The following KCNK2 variants were observed in gnomAD, a reference collection of about 807,000 sequenced individuals.
The protein encoded by KCNK2 is potassium two pore domain channel subfamily K member 2.
A neutral mutation model predicts 40.5 loss-of-function variants in KCNK2; 21 were observed. The ratio of observed to expected loss-of-function variants is 0.52; its 90% confidence interval spans 0.37 to 0.75. KCNK2 has a LOEUF of 0.75. KCNK2 is among the 30% of genes least tolerant of loss of function. The probability of loss-of-function intolerance (pLI) is 0.00; values close to 1 mark genes in which losing one functional copy is unlikely to be tolerated. For missense variants in KCNK2, 399 were observed against 531.6 expected, an observed-to-expected ratio of 0.75 and a Z score of 2.45; for synonymous variants, 191 against 202.2, an observed-to-expected ratio of 0.94 and a Z score of 0.47.
Position 215,209,475 on chromosome 1 carries a change from ATTAT to A in KCNK2, c.963+14384_963+14387del, listed in dbSNP as rs1665515524. Among the ~76,000 whole-genome samples, 3 of 21,798 alleles carry A rather than the reference ATTAT, an allele frequency of 1.4e-4. 1 individual carries two copies. The highest frequency in any genetic ancestry group is 3.0e-4 in the Non-Finnish European group (2 of 6,744). 14.3% of individuals were successfully genotyped at this position (21,798 alleles called of 152,430 possible). ...ATATTATATATTATATATAATATAT[ATTAT>A]ATATAATACATATATATAATATATA... On this transcript the variant is annotated intron_variant, in intron 6 of 6. Coordinates refer to ENST00000444842, the MANE Select transcript of KCNK2 (RefSeq NM_001017425.3).
At chr1:215,124,873 T>A in intron 3 of KCNK2, 123 bp downstream of exon 3, 1 of 660,922 alleles carries the variant, frequency 1.5e-6, no homozygotes. Flanking sequence ...TAGATTATAG[T>A]AAATTGATTT....
At position 215,082,991 on chromosome 1, in the gene KCNK2, G is replaced by T; in HGVS notation, c.-395G>T. 1 of 156,180 alleles carries T rather than the reference G, an allele frequency of 6.4e-6. No homozygotes were observed. The highest frequency in any genetic ancestry group is 1.8e-4 in the South Asian group (1 of 5,464). 9.7% of individuals were successfully genotyped at this position (156,180 alleles called of 1,614,324 possible). A position where few individuals can be genotyped will look rare whatever the true frequency, so the allele number is the denominator to read the frequency against. Reference sequence around the variant, plus strand: ...CGGGGCCGGGCCAGCGAGCAGCCCGGGGCTGAGCGCGTGGCGGCGGCGGCG... The same window carrying T: ...CGGGGCCGGGCCAGCGAGCAGCCCGTGGCTGAGCGCGTGGCGGCGGCGGCG... On this transcript the variant is annotated 5_prime_UTR_variant, in exon 1 of 7. Transcript: ENST00000444842.
intron 1 of KCNK2, among the ~76,000 whole-genome samples, chr1:215,023,346 C>T (rs1331746049): frequency 6.6e-6 from 1 of 152,182 alleles, no homozygotes; most frequent in Non-Finnish European, 1.5e-5. Flanking sequence ...ACAGAGAACC[C>T]TGCCATATAA....
Position 215,100,630 on chromosome 1 carries a change from G to A in KCNK2, c.357+13952G>A, listed in dbSNP as rs74494169. On this transcript the variant is annotated intron_variant, in intron 2 of 6. Transcript: ENST00000444842. ...AAGAAATTTAAACATTGCTGGTTGC[G>A]GTTCTGATGTTCCTATTGTACTAGG... 6.4e-3 allele frequency among the ~76,000 whole-genome samples: 965 copies of A among 151,968 alleles called. 13 individuals are homozygous for A. Among genetic ancestry groups the A allele is most frequent in the African/African-American group, 0.022 (918 of 41,488 alleles).
chr1:215,085,755 C>A (rs983377744), intron 1 of KCNK2, among the ~76,000 whole-genome samples: 3 of 152,068 alleles, frequency 2.0e-5, no homozygotes, highest in Non-Finnish European at 2.9e-5. Context: ...GGAGGACAGG[C>A]AAAAAGACAA....
chr1:215,225,267 C>A (rs1197464889), intron 6 of KCNK2, among the ~76,000 whole-genome samples: 4 of 152,024 alleles, frequency 2.6e-5, no homozygotes, highest in Non-Finnish European at 4.4e-5. Context: ...CTTAATACAA[C>A]CATAGTAGTA....
At chr1:215,089,736 G>C (rs867132709) in intron 2 of KCNK2, among the ~76,000 whole-genome samples, 1 of 151,954 alleles carries the variant, frequency 6.6e-6, no homozygotes, top group Non-Finnish European at 1.5e-5. Context: ...GACATGTTTT[G>C]AGCAATATGA....
chr1:215,031,484 T>A (rs1204290538), intron 1 of KCNK2, among the ~76,000 whole-genome samples: 1 of 152,232 alleles, frequency 6.6e-6, no homozygotes, highest in Non-Finnish European at 1.5e-5. Flanking sequence ...ATATAAATAG[T>A]ACAGGTTGAG....
chr1:215,048,635 T>C (rs1657871356), intron 1 of KCNK2, among the ~76,000 whole-genome samples: 1 of 152,210 alleles, frequency 6.6e-6, no homozygotes, highest in Non-Finnish European at 1.5e-5. Flanking sequence ...CACAAGTGTT[T>C]TTCCCCAATA....
chr1:215,042,273 G>C (rs1208277546), intron 1 of KCNK2, among the ~76,000 whole-genome samples: 1 of 152,176 alleles, frequency 6.6e-6, no homozygotes, highest in African/African-American at 2.4e-5. Context: ...GAAAGACACA[G>C]ATAGGACATA....
chr1:215,045,042 G>A (rs1015829458), intron 1 of KCNK2, among the ~76,000 whole-genome samples: 3 of 152,026 alleles, frequency 2.0e-5, no homozygotes, highest in Admixed American at 6.6e-5. Flanking sequence ...AATTAGCTGG[G>A]TGCAGTGGCG....
At chr1:215,106,594 T>C (rs1459016613) in intron 2 of KCNK2, among the ~76,000 whole-genome samples, 2 of 152,054 alleles carry the variant, frequency 1.3e-5, no homozygotes, top group African/African-American at 2.4e-5. Context: ...AGTTTAATTA[T>C]GGCACGCTTG....
At chr1:215,145,419 C>T (rs1371250959) in intron 3 of KCNK2, among the ~76,000 whole-genome samples, 4 of 152,202 alleles carry the variant, frequency 2.6e-5, no homozygotes, top group Admixed American at 6.5e-5. Flanking sequence ...TGCTATGCTA[C>T]GTTACCTTCA....
chr1:215,166,563 T>A (rs1663456121), intron 3 of KCNK2, among the ~76,000 whole-genome samples: 3 of 152,054 alleles, frequency 2.0e-5, no homozygotes, highest in African/African-American at 7.2e-5. Context: ...TGAGAAACAG[T>A]AAGGCAGCTG....
chr1:215,083,365 A>G lies in KCNK2; in HGVS notation c.-21A>G, dbSNP rs1659265915. ...TTCAAGTCCGTCTTTTTCAAAAAAC[A>G]TTTTGAATGCTGCATGCCTCATGCT... On this transcript the variant is annotated 5_prime_UTR_variant, in exon 1 of 7. Transcript: ENST00000444842. The G allele has an allele frequency of 6.2e-7, 1 of 1,614,038 alleles. No individual in the cohort carries two copies. The highest frequency in any genetic ancestry group is 8.5e-7 in the Non-Finnish European group (1 of 1,179,992).
intron 6 of KCNK2, among the ~76,000 whole-genome samples, chr1:215,231,112 T>C (rs895642076): frequency 1.3e-5 from 2 of 152,092 alleles, no homozygotes; most frequent in African/African-American, 4.8e-5. Context: ...CTCGAGAAAA[T>C]TCAGTCAAGT....
chr1:215,185,748 A>G (rs1016379284), intron 5 of KCNK2, among the ~76,000 whole-genome samples: 2 of 152,188 alleles, frequency 1.3e-5, no homozygotes, highest in Non-Finnish European at 2.9e-5. Context: ...CTATTGGGCT[A>G]TAAATCTCAT....
intron 1 of KCNK2, among the ~76,000 whole-genome samples, chr1:215,048,751 A>G (rs1018236053): frequency 2.0e-5 from 3 of 152,174 alleles, no homozygotes; most frequent in Non-Finnish European, 4.4e-5. Context: ...ACTAATGCAT[A>G]AAGCTCTGTT....
intron 3 of KCNK2, among the ~76,000 whole-genome samples, chr1:215,148,816 T>C (rs990879782): frequency 1.3e-5 from 2 of 151,972 alleles, no homozygotes; most frequent in Non-Finnish European, 2.9e-5. Flanking sequence ...TGTGTGAAAG[T>C]GGTGTGAGGT....
Sources: gnomAD v4.1 joint callset for allele counts (sites outside exome capture counted in the v4.1 genomes callset) on GRCh38, gnomAD v4.1.1 for gene constraint, MANE v1.5 for transcripts, NCBI Gene and HGNC (gene_info 2026-07-23, HGNC 2026-07-21) for gene names.